Variants in PGPEP1L observed in about 807,000 individuals in gnomAD.
PGPEP1L encodes pyroglutamyl-peptidase 1-like protein.
Under a neutral mutation model 6.0 loss-of-function variants are expected in PGPEP1L, and 7 were observed. The ratio of observed to expected loss-of-function variants is 1.17; its 90% CI spans 0.66 to 2.19. The LOEUF (loss-of-function observed/expected upper bound fraction) is 2.19. PGPEP1L is among the 30% of genes most tolerant of loss of function. The pLI, the probability that PGPEP1L is intolerant of heterozygous loss-of-function variation, is 0.00. For missense variants in PGPEP1L, 209 were observed against 192.5 expected (o/e 1.09, Z -0.51); for synonymous variants, 103 against 83.9 (o/e 1.23, Z -1.24).
intron 2 of PGPEP1L, among the ~76,000 whole-genome samples, chr15:99,004,471 G>A (rs1159443638): frequency 6.6e-6 from 1 of 152,028 alleles, no homozygotes; most frequent in Non-Finnish European, 1.5e-5. Flanking sequence ...TGTAGTCCCA[G>A]CACTTTGGGA....
intron 2 of PGPEP1L, chr15:98,998,209 T>C (rs2017914082): frequency 6.6e-6 from 1 of 152,636 alleles, no homozygotes; most frequent in Non-Finnish European, 1.5e-5. Flanking sequence ...ACCTTGGGAC[T>C]GGGGCCTCTA....
intron 2 of PGPEP1L, among the ~76,000 whole-genome samples, chr15:98,978,724 A>ATTTTTTTTTTTTTTT (rs1341474662): frequency 1.4e-5 from 1 of 69,668 alleles, no homozygotes; most frequent in African/African-American, 5.1e-5. Flanking sequence ...ATATATATAT[A>ATTTTTTTTTTTTTTT]TATTTTTTTT....
At chr15:98,968,732 A>AAATG in intron 4 of PGPEP1L, 35 bp from the exon 5 acceptor site, 1 of 1,537,162 alleles carries the variant, frequency 6.5e-7, no homozygotes, top group Non-Finnish European at 8.8e-7. Context: ...TAATTCTCGG[A>AAATG]CCAGCCTCTA....
At chr15:98,969,707 A>G (rs1445939737) in intron 3 of PGPEP1L, 56 bp from the exon 4 acceptor site, 3 of 1,565,208 alleles carry the variant, frequency 1.9e-6, no homozygotes, top group Non-Finnish European at 2.6e-6. Context: ...CACCCTGCTC[A>G]CCAAATGTGC....
chr15:98,973,242 T>G (rs1310497886), intron 2 of PGPEP1L, among the ~76,000 whole-genome samples: 1 of 152,154 alleles, frequency 6.6e-6, no homozygotes, highest in African/African-American at 2.4e-5. Flanking sequence ...AAGGGAGAGA[T>G]TAACTGCAAC....
intron 3 of PGPEP1L, among the ~76,000 whole-genome samples, chr15:98,970,060 T>C (rs1215747850): frequency 6.6e-6 from 1 of 152,138 alleles, no homozygotes; most frequent in Non-Finnish European, 1.5e-5. Flanking sequence ...TATTTATTTA[T>C]TTTTATGAGA....
In PGPEP1L at chr15:99,007,383, A is replaced by C. The variant is rs1479798694; in HGVS notation, c.-394T>G. On this transcript the variant is annotated 5_prime_UTR_variant, in exon 1 of 5. In the 5' UTR this introduces an upstream ATG that the reference lacks. Coordinates refer to ENST00000535714, the MANE Select transcript of PGPEP1L (RefSeq NM_001167902.2). ...CCTAGTTCCGTCATGGTGTGTCCAG[A>C]ATCGGCGGATTCTTGGTCTCACTGA... is the stretch of plus-strand genomic sequence containing the variant. The C allele has an allele frequency of 6.6e-6, 1 of 152,366 alleles. No homozygotes were observed. Among genetic ancestry groups the C allele is most frequent in the African/African-American group, 2.4e-5 (1 of 41,444 alleles). The allele number at this position is 152,366 out of a possible 1,614,324, so 9.4% of individuals were successfully genotyped here.
At chr15:98,995,165 T>C (rs2017870106) in intron 2 of PGPEP1L, among the ~76,000 whole-genome samples, 1 of 152,204 alleles carries the variant, frequency 6.6e-6, no homozygotes, top group African/African-American at 2.4e-5. Context: ...CTTCTGGAAC[T>C]CCTACTAAAT....
intron 2 of PGPEP1L, among the ~76,000 whole-genome samples, chr15:98,978,761 T>TG (rs2017610621): frequency 7.0e-6 from 1 of 143,226 alleles, no homozygotes; most frequent in Non-Finnish European, 1.5e-5. Flanking sequence ...GGCACAGTCT[T>TG]GCTCTGTCAC....
At chr15:98,974,644 C>G (rs563113858) in intron 2 of PGPEP1L, among the ~76,000 whole-genome samples, 3 of 152,296 alleles carry the variant, frequency 2.0e-5, no homozygotes, top group African/African-American at 7.2e-5. Flanking sequence ...TGCCTGTAAT[C>G]CCAGCACTTT....
intron 1 of PGPEP1L, among the ~76,000 whole-genome samples, chr15:99,006,388 A>C (rs570412963): frequency 6.6e-6 from 1 of 152,376 alleles, no homozygotes; most frequent in Admixed American, 6.5e-5. Flanking sequence ...AGTGAGCCAC[A>C]GCCGTGGCAT....
At position 99,003,701 on chromosome 15, in the gene PGPEP1L, A is replaced by G. The variant is rs1323118808; in HGVS notation, c.-142+1728T>C. 2.7e-5 allele frequency among the ~76,000 whole-genome samples: 4 copies of G among 148,546 alleles called. 1 individual carries two copies. Among genetic ancestry groups the G allele is most frequent in the African/African-American group, 7.7e-5 (3 of 38,748 alleles). On this transcript the variant is annotated intron_variant, in intron 2 of 4. Transcript: ENST00000535714. ...ACAGGAAGGCCACGCTCTGGAATCC[A>G]GCGGGCATTCCCAAATCATGGCTGA...
intron 2 of PGPEP1L, among the ~76,000 whole-genome samples, chr15:98,979,630 ATTCTTTTTTTTTTTTTTTT>A (rs2017627335): frequency 3.8e-5 from 4 of 105,926 alleles, no homozygotes; most frequent in Admixed American, 1.1e-4. Context: ...ATTGGAGACT[ATTCTTTTTTTTTTTTTTTT>A]TTTTTTTTTT....
At position 98,969,527 on chromosome 15, in the gene PGPEP1L, G is replaced by A; in HGVS notation, c.107C>T (p.Pro36Leu). 3 of 1,614,056 alleles carry A rather than the reference G, an allele frequency of 1.9e-6. No individual in the cohort carries two copies. The highest frequency in any genetic ancestry group is 1.1e-5 in the South Asian group (1 of 91,088). ...SFWPEGGVCL[P>L]GSPDVLESGV... ...TGACTCCAGCACGTCTGGGCTGCCAGGTAGGCACACGCCGCCCTCGGGCCA... is the reference window on the plus strand; with the variant it reads ...TGACTCCAGCACGTCTGGGCTGCCAAGTAGGCACACGCCGCCCTCGGGCCA... The change falls in exon 4 of 5, where the codon CCT (proline) becomes CTT (leucine). Residue 36 changes from proline (P) to leucine (L), a missense_variant. Transcript: ENST00000535714.
At chr15:98,997,907 C>A (rs1369824857) in intron 2 of PGPEP1L, among the ~76,000 whole-genome samples, 1 of 152,084 alleles carries the variant, frequency 6.6e-6, no homozygotes, top group Non-Finnish European at 1.5e-5. Flanking sequence ...TTCTTTACTT[C>A]AGAGGCAGGA....
chr15:98,976,836 T>C (rs938190943), intron 2 of PGPEP1L, among the ~76,000 whole-genome samples: 1 of 152,150 alleles, frequency 6.6e-6, no homozygotes, highest in Non-Finnish European at 1.5e-5. Flanking sequence ...TTACAGATTA[T>C]TATTTTATTT....
In PGPEP1L at chr15:98,969,775, T is replaced by A. The variant is rs1024023997; in HGVS notation, c.-18-124A>T. 5.3e-6 allele frequency: 5 copies of A among 934,884 alleles called. No individual in the cohort carries two copies. In the African/African-American group the frequency reaches 6.6e-5, roughly 12 times the overall value. 57.9% of individuals were successfully genotyped at this position (934,884 alleles called of 1,614,324 possible). A position where few individuals can be genotyped will look rare whatever the true frequency, so the allele number is the denominator to read the frequency against. ...TGTGCAAAACATCTCAAACCCCAAA[T>A]CCACTGGGAAACCCCAGGATCCCCC... On this transcript the variant is annotated intron_variant, in intron 3 of 4. Transcript: ENST00000535714.
chr15:98,989,335 A>G (rs1478024923), intron 2 of PGPEP1L, among the ~76,000 whole-genome samples: 1 of 152,256 alleles, frequency 6.6e-6, no homozygotes, highest in Non-Finnish European at 1.5e-5. Flanking sequence ...TTCAAGAAGC[A>G]TACACAAGTA....
intron 2 of PGPEP1L, 131 bp from the exon 3 acceptor site, chr15:98,971,289 A>G (rs1224338283): frequency 1.6e-6 from 2 of 1,271,342 alleles, no homozygotes; most frequent in Non-Finnish European, 1.1e-6. Context: ...TTTGCCCTCA[A>G]GGAGCTCACA....
Sources: gnomAD v4.1 joint callset for allele counts (sites outside exome capture counted in the v4.1 genomes callset) on GRCh38, gnomAD v4.1.1 for gene constraint, MANE v1.5 for transcripts, NCBI Gene and HGNC (gene_info 2026-07-23, HGNC 2026-07-21) for gene names.